ZNF385D: variants seen among roughly 807,000 people sequenced by gnomAD.
ZNF385D encodes the protein zinc finger protein 659.
ZNF385D carries 15 observed loss-of-function variants against 35.8 expected under a neutral mutation model. That is an observed-to-expected ratio of 0.42 (90% CI 0.28 to 0.64). The LOEUF (loss-of-function observed/expected upper bound fraction) is 0.64, where lower values mean the gene tolerates loss of function less well. Ranked by LOEUF, ZNF385D falls within the 30% of genes least tolerant of loss-of-function variation. The pLI, the probability that ZNF385D is intolerant of heterozygous loss-of-function variation, is 0.23. For synonymous variants in ZNF385D, 212 were observed against 186.8 expected, an observed-to-expected ratio of 1.13 and a Z score of -1.10; for missense variants, 474 against 494.6, an observed-to-expected ratio of 0.96 and a Z score of 0.39.
intron 3 of ZNF385D, among the ~76,000 whole-genome samples, chr3:22,031,523 G>A (rs982971258): frequency 6.6e-6 from 1 of 152,158 alleles, no homozygotes; most frequent in Admixed American, 6.5e-5. Context: ...TTTTAGCCAC[G>A]GCTGGAGTTG....
chr3:22,242,647 A>G (rs1367556283), intron 2 of ZNF385D, among the ~76,000 whole-genome samples: 2 of 151,190 alleles, frequency 1.3e-5, no homozygotes, highest in Non-Finnish European at 2.9e-5. Context: ...CTAATGTGAC[A>G]TCGCAACTAA....
At chr3:22,065,724 T>A (rs1257403547) in intron 3 of ZNF385D, among the ~76,000 whole-genome samples, 1 of 152,062 alleles carries the variant, frequency 6.6e-6, no homozygotes, top group Non-Finnish European at 1.5e-5. Flanking sequence ...TCAAAGAACA[T>A]AACACACACT....
At chr3:21,828,679 C>A (rs910985898) in intron 3 of ZNF385D, among the ~76,000 whole-genome samples, 1 of 152,192 alleles carries the variant, frequency 6.6e-6, no homozygotes, top group Non-Finnish European at 1.5e-5. Flanking sequence ...GCTACCCCAA[C>A]AAATTACTAC....
intron 4 of ZNF385D, among the ~76,000 whole-genome samples, chr3:21,451,530 C>G (rs1204469287): frequency 6.6e-6 from 1 of 151,992 alleles, no homozygotes; most frequent in Non-Finnish European, 1.5e-5. Context: ...GTCCAACAAT[C>G]TAGCTTGCTA....
At chr3:21,758,069 A>G (rs559191711) in intron 3 of ZNF385D, among the ~76,000 whole-genome samples, 1 of 152,256 alleles carries the variant, frequency 6.6e-6, no homozygotes, top group East Asian at 1.9e-4. Flanking sequence ...TGAATCTCAG[A>G]TACTTTGTTT....
At chr3:21,484,121 G>A (rs1704852920) in intron 4 of ZNF385D, among the ~76,000 whole-genome samples, 1 of 152,158 alleles carries the variant, frequency 6.6e-6, no homozygotes, top group Admixed American at 6.6e-5. Flanking sequence ...GAGCAGTCAT[G>A]CCTACCTAGG....
chr3:21,473,436 T>C (rs572912357), intron 4 of ZNF385D, among the ~76,000 whole-genome samples: 3 of 152,100 alleles, frequency 2.0e-5, no homozygotes, highest in East Asian at 1.9e-4. Flanking sequence ...TTCTGGCAAA[T>C]AGTATCAAGG....
chr3:21,759,638 T>C (rs2125582255), intron 3 of ZNF385D, among the ~76,000 whole-genome samples: 1 of 152,308 alleles, frequency 6.6e-6, no homozygotes, highest in South Asian at 2.1e-4. Context: ...TTCAGAGGTT[T>C]CCAATTTTTC....
chr3:21,947,018 GAGT>G (rs1315339384), intron 3 of ZNF385D, among the ~76,000 whole-genome samples: 5 of 151,996 alleles, frequency 3.3e-5, no homozygotes, highest in Non-Finnish European at 7.4e-5. Context: ...ACATCAGTTT[GAGT>G]ATGCCTGAGA....
At chr3:22,148,737 A>G (rs543229520) in intron 3 of ZNF385D, among the ~76,000 whole-genome samples, 3 of 152,214 alleles carry the variant, frequency 2.0e-5, no homozygotes, top group Non-Finnish European at 2.9e-5. Context: ...TATAGGGTCC[A>G]GCAGTACTAC....
At position 21,426,187 on chromosome 3, in the gene ZNF385D, C is replaced by T. The variant is rs1369497936; in HGVS notation, c.674-517G>A. 5.9e-5 allele frequency among the ~76,000 whole-genome samples: 9 copies of T among 152,062 alleles called. 1 individual carries two copies. In the South Asian group the frequency reaches 1.7e-3, roughly 28 times the overall value. On this transcript the variant is annotated intron_variant, in intron 5 of 7. Transcript: ENST00000281523. ...TCTAAACAGAATACAAACAAGCTTT[C>T]GTGGCTATGTATTTTAGGTTCCAAG... is the stretch of plus-strand genomic sequence containing the variant.
intron 2 of ZNF385D, among the ~76,000 whole-genome samples, chr3:22,200,477 G>A (rs1389834044): frequency 1.3e-5 from 2 of 152,154 alleles, no homozygotes; most frequent in Middle Eastern, 3.4e-3. Flanking sequence ...ACTTCACAAG[G>A]TAATAGAATA....
chr3:21,858,086 C>T (rs939377126), intron 3 of ZNF385D, among the ~76,000 whole-genome samples: 1 of 148,908 alleles, frequency 6.7e-6, no homozygotes, highest in South Asian at 2.1e-4. Flanking sequence ...CACTTGAACC[C>T]AGGAGGTAGA....
intron 1 of ZNF385D, among the ~76,000 whole-genome samples, chr3:21,748,260 C>G (rs1032970793): frequency 6.6e-6 from 1 of 152,146 alleles, no homozygotes; most frequent in Admixed American, 6.5e-5. Flanking sequence ...TTCTTGAGAT[C>G]TGAAAATATT....
chr3:21,710,409 C>A (rs773580608), intron 1 of ZNF385D, among the ~76,000 whole-genome samples: 4 of 152,062 alleles, frequency 2.6e-5, no homozygotes, highest in Non-Finnish European at 5.9e-5. Context: ...TCCTAAAACC[C>A]AATTTATTTT....
At chr3:21,968,116 G>T (rs1703012833) in intron 3 of ZNF385D, among the ~76,000 whole-genome samples, 1 of 152,126 alleles carries the variant, frequency 6.6e-6, no homozygotes, top group African/African-American at 2.4e-5. Context: ...AGAGAGGAAA[G>T]GGATTGTGGG....
chr3:22,201,531 A>G, intron 2 of ZNF385D, among the ~76,000 whole-genome samples: 1 of 152,206 alleles, frequency 6.6e-6, no homozygotes, highest in South Asian at 2.1e-4. Context: ...ACAGAAAAAA[A>G]GAAAGAAGTT....
At chr3:22,009,902 A>G (rs1056224273) in intron 3 of ZNF385D, among the ~76,000 whole-genome samples, 1 of 151,560 alleles carries the variant, frequency 6.6e-6, no homozygotes, top group African/African-American at 2.4e-5. Flanking sequence ...AAAATACAAA[A>G]TTTTTAAAAT....
At chr3:21,514,356 G>A (rs1707423523) in intron 3 of ZNF385D, among the ~76,000 whole-genome samples, 1 of 152,126 alleles carries the variant, frequency 6.6e-6, no homozygotes, top group South Asian at 2.1e-4. Flanking sequence ...AGAATCGAGT[G>A]ATCATAGTAC....
Sources: gnomAD v4.1 joint callset for allele counts (sites outside exome capture counted in the v4.1 genomes callset) on GRCh38, gnomAD v4.1.1 for gene constraint, MANE v1.5 for transcripts, NCBI Gene and HGNC (gene_info 2026-07-23, HGNC 2026-07-21) for gene names.